MRPS28: variants seen among roughly 807,000 people sequenced by gnomAD.
The protein encoded by MRPS28 is mitochondrial ribosomal protein S28, also known as small ribosomal subunit protein bS1m.
A neutral mutation model predicts 10.8 loss-of-function variants in MRPS28; 7 were observed. That is an observed-to-expected ratio of 0.65 (90% CI 0.37 to 1.22). The LOEUF (loss-of-function observed/expected upper bound fraction) is 1.22, where lower values mean the gene tolerates loss of function less well. MRPS28 is among the 50% of genes most tolerant of loss of function. The probability of loss-of-function intolerance (pLI) is 0.02; values close to 1 mark genes in which losing one functional copy is unlikely to be tolerated. For synonymous variants in MRPS28, 121 were observed against 93.3 expected, an observed-to-expected ratio of 1.30 and a Z score of -1.71; for missense variants, 265 against 232.9, an observed-to-expected ratio of 1.14 and a Z score of -0.90.
At chr8:79,999,329 T>C (rs1808593275) in intron 2 of MRPS28, among the ~76,000 whole-genome samples, 1 of 152,228 alleles carries the variant, frequency 6.6e-6, no homozygotes, top group Admixed American at 6.5e-5. Context: ...ACTTCCTTGT[T>C]CAGTGATAAA....
intron 2 of MRPS28, among the ~76,000 whole-genome samples, chr8:79,938,410 CTGAT>C (rs1806665875): frequency 7.0e-6 from 1 of 142,962 alleles, no homozygotes; most frequent in South Asian, 2.4e-4. Context: ...CCTGTTCTCT[CTGAT>C]TGTGGGCTGT....
At chr8:80,008,285 A>C (rs1322969482) in intron 1 of MRPS28, among the ~76,000 whole-genome samples, 2 of 152,242 alleles carry the variant, frequency 1.3e-5, no homozygotes, top group African/African-American at 4.8e-5. Flanking sequence ...AGATGGATTA[A>C]AGACTTAAAT....
Position 79,918,913 on chromosome 8 carries a change from A to G in MRPS28, c.*67T>C. ...TTCATTCAATCATTTATTCACAATT[A>G]GTCTAATTGCATTCTTGATGAATAA... On this transcript the variant is annotated 3_prime_UTR_variant, in exon 3 of 3. Coordinates refer to ENST00000276585, the MANE Select transcript of MRPS28 (RefSeq NM_014018.3). 8.5e-7 allele frequency: 1 copy of G among 1,175,200 alleles called. No homozygotes were observed. Among genetic ancestry groups the G allele is most frequent in the South Asian group, 2.5e-5 (1 of 39,438 alleles). The allele number at this position is 1,175,200 out of a possible 1,614,324, so 72.8% of individuals were successfully genotyped here. A position where few individuals can be genotyped will look rare whatever the true frequency, so the allele number is the denominator to read the frequency against.
At chr8:79,944,597 AG>A (rs1429727915) in intron 2 of MRPS28, among the ~76,000 whole-genome samples, 1 of 152,190 alleles carries the variant, frequency 6.6e-6, no homozygotes, top group Non-Finnish European at 1.5e-5. Context: ...ACCTAAGAGT[AG>A]GGCATAGCCA....
intron 2 of MRPS28, among the ~76,000 whole-genome samples, chr8:80,001,088 T>G (rs1221628495): frequency 1.3e-5 from 2 of 152,236 alleles, no homozygotes; most frequent in Non-Finnish European, 2.9e-5. Context: ...GAACATCTGC[T>G]GAGAAATATC....
intron 2 of MRPS28, among the ~76,000 whole-genome samples, chr8:79,945,623 G>A (rs1806893809): frequency 1.3e-5 from 2 of 152,092 alleles, no homozygotes; most frequent in African/African-American, 4.8e-5. Flanking sequence ...TAAAATGGCA[G>A]AAATGGTAAG....
chr8:79,941,707 C>T (rs951279973), intron 2 of MRPS28, among the ~76,000 whole-genome samples: 4 of 151,946 alleles, frequency 2.6e-5, no homozygotes, highest in Admixed American at 6.6e-5. Context: ...TTGAGAAGTT[C>T]GGTTTTAAAT....
chr8:79,928,927 T>G (rs1806383408), intron 2 of MRPS28, among the ~76,000 whole-genome samples: 1 of 152,090 alleles, frequency 6.6e-6, no homozygotes, highest in African/African-American at 2.4e-5. Flanking sequence ...ATGCCTGTAG[T>G]CCCAGCTACT....
intron 2 of MRPS28, among the ~76,000 whole-genome samples, chr8:79,987,437 A>C (rs1299200085): frequency 6.6e-6 from 1 of 152,168 alleles, no homozygotes; most frequent in African/African-American, 2.4e-5. Context: ...GGATCTAATT[A>C]AACTAAAGAG....
At chr8:79,961,687 CA>C (rs1306203883) in intron 2 of MRPS28, among the ~76,000 whole-genome samples, 1 of 152,098 alleles carries the variant, frequency 6.6e-6, no homozygotes, top group Non-Finnish European at 1.5e-5. Context: ...GGCCAAGAGC[CA>C]CGTTCTTTCC....
At chr8:80,027,096 A>G (rs368230814) in intron 1 of MRPS28, among the ~76,000 whole-genome samples, 4 of 152,306 alleles carry the variant, frequency 2.6e-5, no homozygotes, top group East Asian at 1.9e-4. Flanking sequence ...ATTAAAGTTC[A>G]TTATTAAGAA....
intron 2 of MRPS28, among the ~76,000 whole-genome samples, chr8:79,989,607 T>C (rs182669702): frequency 6.6e-6 from 1 of 152,348 alleles, no homozygotes; most frequent in Non-Finnish European, 1.5e-5. Context: ...TTTTCTGTAA[T>C]AGGATGCCTG....
chr8:79,988,101 G>C (rs1281598358), intron 2 of MRPS28, among the ~76,000 whole-genome samples: 2 of 151,872 alleles, frequency 1.3e-5, no homozygotes, highest in Non-Finnish European at 2.9e-5. Context: ...CATAAAAAAT[G>C]ATGAGTTCAT....
At chr8:79,977,901 C>T (rs1586072020) in intron 2 of MRPS28, among the ~76,000 whole-genome samples, 2 of 151,718 alleles carry the variant, frequency 1.3e-5, no homozygotes, top group African/African-American at 4.8e-5. Flanking sequence ...GTAAAAACAC[C>T]ATATTTTATA....
chr8:80,030,053 C>G lies in MRPS28; in HGVS notation c.196G>C (p.Val66Leu), dbSNP rs200130139. 6.2e-7 allele frequency: 1 copy of G among 1,613,594 alleles called. No homozygotes were observed. The highest frequency in any genetic ancestry group is 2.2e-5 in the East Asian group (1 of 44,860). Residue 66 changes from valine (V) to leucine (L), a missense_variant, in exon 1 of 3, where the codon GTG (valine) becomes CTG (leucine). Physicochemically the swap from Val to Leu is conservative, Grantham distance 32. Coordinates refer to ENST00000276585, the MANE Select transcript of MRPS28 (RefSeq NM_014018.3). ...GGCTCCACCTTCTGTAGGGGCTCCA[C>G]CTTCTGTAGAAGCTCCGAGTGCCGC... Reference protein sequence around the residue: ...LERHSELLQKVEPLQKGSPKN... With the variant: ...LERHSELLQKLEPLQKGSPKN...
chr8:79,944,693 TCTTTTTTC>T (rs1174903906), intron 2 of MRPS28, among the ~76,000 whole-genome samples: 2 of 63,834 alleles, frequency 3.1e-5, no homozygotes, highest in Non-Finnish European at 5.5e-5. Flanking sequence ...TTTTTCTTTT[TCTTTTTTC>T]TTTTTTTTTT....
rs193264910 is a variant in MRPS28, at chr8:79,968,557, C to T, written c.395+34442G>A. ...CACAAGTCAATTCACAATCTGATTC[C>T]AACCATTTTCTAGTCTCAGCCCCTG... On this transcript the variant is annotated intron_variant, in intron 2 of 2. Transcript: ENST00000276585. Among the ~76,000 whole-genome samples the T allele has an allele frequency of 9.2e-5, 14 of 152,164 alleles. No individual in the cohort carries two copies. The East Asian group carries it at 2.3e-3, about 25-fold the overall frequency.
intron 2 of MRPS28, among the ~76,000 whole-genome samples, chr8:79,952,127 T>A (rs1188532129): frequency 6.6e-6 from 1 of 152,154 alleles, no homozygotes; most frequent in Admixed American, 6.5e-5. Flanking sequence ...TCCCCCTTCC[T>A]CCAAGTAGAT....
Position 79,963,667 on chromosome 8 carries a change from T to TAG in MRPS28, c.395+39330_395+39331dup, listed in dbSNP as rs573936068. Among the ~76,000 whole-genome samples the TAG allele has an allele frequency of 1.1e-4, 16 of 152,156 alleles. 1 individual carries two copies. In the South Asian group the frequency reaches 3.3e-3, roughly 32 times the overall value. On this transcript the variant is annotated intron_variant, in intron 2 of 2. Transcript: ENST00000276585. ...CAGACACCAGCACAAAGGAAATGAA[T>TAG]AGAGTCCCCCTCAGTTCTCACACAG...
Sources: gnomAD v4.1 joint callset for allele counts (sites outside exome capture counted in the v4.1 genomes callset) on GRCh38, gnomAD v4.1.1 for gene constraint, MANE v1.5 for transcripts, NCBI Gene and HGNC (gene_info 2026-07-23, HGNC 2026-07-21) for gene names.